Variants in LRRC46 observed in about 807,000 individuals in gnomAD.
LRRC46 encodes the protein leucine rich repeat containing 46, also known as leucine-rich repeat-containing protein 46.
A neutral mutation model predicts 28.0 loss-of-function variants in LRRC46; 20 were observed. The ratio of observed to expected loss-of-function variants is 0.71; its 90% CI spans 0.50 to 1.04. LRRC46 has a LOEUF of 1.04. LRRC46 is among the 50% of genes least tolerant of loss of function. The pLI, the probability that LRRC46 is intolerant of heterozygous loss-of-function variation, is 0.00. For synonymous variants in LRRC46, 156 were observed against 158.8 expected (o/e 0.98, Z 0.13); for missense variants, 315 against 390.1 (o/e 0.81, Z 1.62).
chr17:47,832,043 G>C, intron 1 of LRRC46, 44 bp downstream of exon 1: 3 of 1,614,026 alleles, frequency 1.9e-6, no homozygotes, highest in Non-Finnish European at 2.5e-6. Context: ...TTGGAAAACA[G>C]CGGGGTAAGG....
chr17:47,836,200 G>A lies in LRRC46; in HGVS notation c.452+98G>A. ...CCTGCAAACCTGGGGTCCTGTCCAT[G>A]ACACCTTCTCCCCCACCTCCTACCT... On this transcript the variant is annotated intron_variant, in intron 6 of 7. Coordinates refer to ENST00000269025, the MANE Select transcript of LRRC46 (RefSeq NM_033413.4). The surrounding 1 kb of genome is among the most constrained non-coding windows in gnomAD (Gnocchi z 5.8). 6.4e-7 allele frequency: 1 copy of A among 1,573,168 alleles called. No homozygotes were observed. Among genetic ancestry groups the A allele is most frequent in the Non-Finnish European group, 8.7e-7 (1 of 1,145,238 alleles).
Position 47,837,635 on chromosome 17 carries a change from T to G in LRRC46, c.*515T>G, listed in dbSNP as rs1267724472. The G allele has an allele frequency of 3.3e-6, 2 of 611,366 alleles. No individual in the cohort carries two copies. The highest frequency in any genetic ancestry group is 1.9e-5 in the African/African-American group (1 of 51,706). The allele number at this position is 611,366 out of a possible 1,614,324, so 37.9% of individuals were successfully genotyped here. A position where few individuals can be genotyped will look rare whatever the true frequency, so the allele number is the denominator to read the frequency against. The stretch of plus-strand genomic sequence containing the variant: ...CCCCGCAGCCAGCCCACAGCTGCCT[T>G]TGGGCCTCACTTGGCTCTCCCACCC... On this transcript the variant is annotated 3_prime_UTR_variant, in exon 8 of 8. Transcript: ENST00000269025.
chr17:47,835,342 T>C lies in LRRC46; in HGVS notation c.226-11T>C, dbSNP rs1260890545. 2 of 1,614,216 alleles carry C rather than the reference T, an allele frequency of 1.2e-6. No individual in the cohort carries two copies. Among genetic ancestry groups the C allele is most frequent in the Middle Eastern group, 1.7e-4 (1 of 6,058 alleles). ...TCAGCTTGGTTTCCCCACTTCGGTTTCTTCTTGCAGAATAAGATCCAGCAA... is the reference window on the plus strand; with the variant it reads ...TCAGCTTGGTTTCCCCACTTCGGTTCCTTCTTGCAGAATAAGATCCAGCAA... On this transcript the variant is annotated splice_polypyrimidine_tract_variant and intron_variant, in intron 3 of 7. Transcript: ENST00000269025.
At position 47,834,474 on chromosome 17, in the gene LRRC46, A is replaced by T. The variant is rs144398588; in HGVS notation, c.166A>T (p.Ile56Phe). 2.7e-4 allele frequency: 436 copies of T among 1,613,542 alleles called. 6 individuals are homozygous for T. In the East Asian group the frequency reaches 8.8e-3, roughly 33 times the overall value. ...LQTVRLDREG[I>F]TTIRNLEGLQ... ...GACTGTCCGCCTGGACCGGGAGGGG[A>T]TTACTACTATCAGGAACTTAGAAGG... The change falls in exon 3 of 8, where the codon ATT (isoleucine) becomes TTT (phenylalanine). Residue 56 changes from isoleucine (I) to phenylalanine (F), a missense_variant. By Grantham distance (21) the Ile-to-Phe change is conservative (BLOSUM62 0). Coordinates refer to ENST00000269025, the MANE Select transcript of LRRC46 (RefSeq NM_033413.4).
chr17:47,835,223 G>A, intron 3 of LRRC46, 130 bp from the exon 4 acceptor site: 1 of 910,606 alleles, frequency 1.1e-6, no homozygotes, highest in Non-Finnish European at 1.8e-6. Context: ...TTCAAGGAGT[G>A]GGGTGATCAT....
chr17:47,835,832 C>T (rs546374539), intron 5 of LRRC46, 57 bp downstream of exon 5: 4 of 1,473,206 alleles, frequency 2.7e-6, no homozygotes, highest in Non-Finnish European at 3.8e-6. Context: ...CCTGCCCTCC[C>T]CTCTGCACCC....
chr17:47,836,006 C>T lies in LRRC46; in HGVS notation c.383-27C>T. The T allele has an allele frequency of 6.2e-7, 1 of 1,612,304 alleles. No individual in the cohort carries two copies. Reference sequence around the variant, plus strand: ...TTTGGCTAAGATCAAGTGAGAACCCCATTTCCTCTCTCTTTGCTGTGTGCA... The same window carrying T: ...TTTGGCTAAGATCAAGTGAGAACCCTATTTCCTCTCTCTTTGCTGTGTGCA... On this transcript the variant is annotated intron_variant, in intron 5 of 7. Coordinates refer to ENST00000269025, the MANE Select transcript of LRRC46 (RefSeq NM_033413.4). The surrounding 1 kb of genome is among the most constrained non-coding windows in gnomAD (Gnocchi z 5.8).
chr17:47,832,030 C>A, intron 1 of LRRC46, 31 bp downstream of exon 1: 2 of 1,613,920 alleles, frequency 1.2e-6, no homozygotes, highest in South Asian at 2.2e-5. Context: ...GTGGGTAGAG[C>A]AGTTGGAAAA....
At position 47,831,747 on chromosome 17, in the gene LRRC46, C is replaced by A. The variant is rs1454170590; in HGVS notation, c.-243C>A. ...TTCTCAACCATTCCTGCCCACAACACCCCAGCTTGCTGCCAGCAAAGCCCC... is the reference window on the plus strand; with the variant it reads ...TTCTCAACCATTCCTGCCCACAACAACCCAGCTTGCTGCCAGCAAAGCCCC... On this transcript the variant is annotated 5_prime_UTR_variant, in exon 1 of 8. Coordinates refer to ENST00000269025, the MANE Select transcript of LRRC46 (RefSeq NM_033413.4). The A allele has an allele frequency of 7.8e-6, 5 of 638,722 alleles. No homozygotes were observed. Among genetic ancestry groups the A allele is most frequent in the Admixed American group, 2.9e-5 (1 of 34,090 alleles). The allele number at this position is 638,722 out of a possible 1,614,324, so 39.6% of individuals were successfully genotyped here. A position where few individuals can be genotyped will look rare whatever the true frequency, so the allele number is the denominator to read the frequency against.
In LRRC46 at chr17:47,832,142, C is replaced by G. The variant is rs964095843; in HGVS notation, c.53C>G (p.Thr18Ser). Residue 18 changes from threonine to serine, a missense_variant, in exon 2 of 8, where the codon ACT (threonine) becomes AGT (serine). Transcript: ENST00000269025. Reference protein sequence around the residue: ...QGPEEGGVCITEALITKRNLT... With the variant: ...QGPEEGGVCISEALITKRNLT... ...CCAGAGGAAGGGGGCGTCTGCATCA[C>G]TGAAGCCCTTATCACTAAGCGGAAC... is the stretch of plus-strand genomic sequence containing the variant. 2.5e-6 allele frequency: 4 copies of G among 1,608,744 alleles called. No homozygotes were observed. The East Asian group carries it at 8.9e-5, about 36-fold the overall frequency.
chr17:47,836,103 G>C lies in LRRC46; in HGVS notation c.452+1G>C. ...GCTGCACCAACCAGGATGGCTACCG[G>C]TAAGGAGTGGAGGGTGGGAAGAAAG... On this transcript the variant is annotated splice_donor_variant, in intron 6 of 7. Coordinates refer to ENST00000269025, the MANE Select transcript of LRRC46 (RefSeq NM_033413.4). LOFTEE classifies it high-confidence loss of function. The surrounding 1 kb of genome is among the most constrained non-coding windows in gnomAD (Gnocchi z 5.8). 6.2e-7 allele frequency: 1 copy of C among 1,614,134 alleles called. No homozygotes were observed. Among genetic ancestry groups the C allele is most frequent in the South Asian group, 1.1e-5 (1 of 91,084 alleles).
intron 2 of LRRC46, among the ~76,000 whole-genome samples, chr17:47,833,045 T>C (rs1308403472): frequency 1.3e-5 from 2 of 152,214 alleles, no homozygotes; most frequent in Non-Finnish European, 2.9e-5. Context: ...GGGGGCTTGT[T>C]AGAAGTGGAG....
In LRRC46 at chr17:47,837,319, G is replaced by A; in HGVS notation, c.*199G>A. 1 of 676,452 alleles carries A rather than the reference G, an allele frequency of 1.5e-6. No homozygotes were observed. Among genetic ancestry groups the A allele is most frequent in the Non-Finnish European group, 2.3e-6 (1 of 433,366 alleles). 41.9% of individuals were successfully genotyped at this position (676,452 alleles called of 1,614,324 possible). A position where few individuals can be genotyped will look rare whatever the true frequency, so the allele number is the denominator to read the frequency against. ...AAATACAGAGCTCAGTGAGCCACCT[G>A]ATTCTAAAGAGCGAGTCTGGAATCT... On this transcript the variant is annotated 3_prime_UTR_variant, in exon 8 of 8. Coordinates refer to ENST00000269025, the MANE Select transcript of LRRC46 (RefSeq NM_033413.4).
Position 47,831,694 on chromosome 17 carries a change from C to T in LRRC46, c.-296C>T. ...CACTCGGCGTCCAGTCTCTTAGCAA[C>T]GACTCCGGCTTCCTAGGAACTGCTC... On this transcript the variant is annotated 5_prime_UTR_variant, in exon 1 of 8. The change creates a new upstream start codon in the 5' untranslated region. Coordinates refer to ENST00000269025, the MANE Select transcript of LRRC46 (RefSeq NM_033413.4). 1.5e-6 allele frequency: 1 copy of T among 665,362 alleles called. No homozygotes were observed. Among genetic ancestry groups the T allele is most frequent in the Non-Finnish European group, 2.6e-6 (1 of 390,998 alleles). The allele number at this position is 665,362 out of a possible 1,614,324, so 41.2% of individuals were successfully genotyped here.
rs138722162 is a variant in LRRC46, at chr17:47,834,501, C to T, written c.193C>T (p.Leu65Phe). The part of the protein sequence containing the change: ...GITTIRNLEG[L>F]QNLHSLYLQG... ...TACTACTATCAGGAACTTAGAAGGC[C>T]TCCAGAATCTTCACAGTCTCTATCT... The change falls in exon 3 of 8, where the codon CTC (leucine) becomes TTC (phenylalanine). Residue 65 changes from leucine to phenylalanine, a missense_variant. Coordinates refer to ENST00000269025, the MANE Select transcript of LRRC46 (RefSeq NM_033413.4). 25 of 1,612,994 alleles carry T rather than the reference C, an allele frequency of 1.5e-5. No homozygotes were observed. The highest frequency in any genetic ancestry group is 2.0e-5 in the Non-Finnish European group (23 of 1,179,186).
At chr17:47,835,422 CA>C in intron 4 of LRRC46, 23 bp downstream of exon 4, 1 of 1,613,342 alleles carries the variant, frequency 6.2e-7, no homozygotes, top group Non-Finnish European at 8.5e-7. Context: ...AGGGCTCAGG[CA>C]GGGGAAGAGG....
At chr17:47,833,925 C>T in intron 2 of LRRC46, 3 of 985,434 alleles carry the variant, frequency 3.0e-6, no homozygotes, top group Non-Finnish European at 3.6e-6. Flanking sequence ...TGCCCTGCTT[C>T]TTTATTAGTG....
chr17:47,832,823 A>C (rs553916578), intron 2 of LRRC46, among the ~76,000 whole-genome samples: 1 of 152,312 alleles, frequency 6.6e-6, no homozygotes. Flanking sequence ...TTAAATAACA[A>C]ATCTAATCAG....
Position 47,837,421 on chromosome 17 carries a change from C to T in LRRC46, c.*301C>T. ...GGCTCCCACTTGGGCAGGAAGCGGG[C>T]ACCACCTCATGGAAGAGGCATGCCA... On this transcript the variant is annotated 3_prime_UTR_variant, in exon 8 of 8. Transcript: ENST00000269025. The T allele has an allele frequency of 2.3e-6, 1 of 441,576 alleles. No homozygotes were observed. The allele number at this position is 441,576 out of a possible 1,614,324, so 27.4% of individuals were successfully genotyped here. A position where few individuals can be genotyped will look rare whatever the true frequency, so the allele number is the denominator to read the frequency against.
Sources: allele counts gnomAD v4.1 joint callset (sites outside exome capture counted in the v4.1 genomes callset), GRCh38; gene constraint gnomAD v4.1.1; non-coding constraint Gnocchi (gnomAD v3.1); transcripts MANE v1.5; gene names NCBI Gene and HGNC (gene_info 2026-07-23, HGNC 2026-07-21).